CTNNA1: variants seen among roughly 807,000 people sequenced by gnomAD.
CTNNA1 encodes the protein catenin alpha 1.
CTNNA1 carries 37 observed loss-of-function variants against 98.4 expected under a neutral mutation model. The ratio of observed to expected loss-of-function variants is 0.38; its 90% CI spans 0.29 to 0.49. The LOEUF is 0.49. Ranked by LOEUF, CTNNA1 falls within the 20% of genes least tolerant of loss-of-function variation. The probability of loss-of-function intolerance (pLI) is 0.95; values close to 1 mark genes in which losing one functional copy is unlikely to be tolerated. For missense variants in CTNNA1, 761 were observed against 1,147.2 expected, an observed-to-expected ratio of 0.66 and a Z score of 4.86; for synonymous variants, 404 against 413.2, an observed-to-expected ratio of 0.98 and a Z score of 0.27.
At chr5:138,899,510 C>G (rs1388020795) in intron 9 of CTNNA1, among the ~76,000 whole-genome samples, 3 of 152,190 alleles carry the variant, frequency 2.0e-5, no homozygotes, top group Admixed American at 1.3e-4. Flanking sequence ...GAGAAATACC[C>G]TCTTTCCATG....
At chr5:138,846,759 TA>T (rs943214439) in intron 7 of CTNNA1, among the ~76,000 whole-genome samples, 41 of 152,028 alleles carry the variant, frequency 2.7e-4, no homozygotes, top group African/African-American at 8.0e-4. Context: ...TAAAAATAGT[TA>T]AAAAAAAACC....
intron 11 of CTNNA1, among the ~76,000 whole-genome samples, chr5:138,921,955 C>G (rs1475369766): frequency 6.6e-6 from 1 of 151,512 alleles, no homozygotes; most frequent in Non-Finnish European, 1.5e-5. Flanking sequence ...GTTTACATGG[C>G]AAGCCATCAG....
intron 7 of CTNNA1, among the ~76,000 whole-genome samples, chr5:138,829,345 G>A (rs1244462193): frequency 6.6e-6 from 1 of 152,206 alleles, no homozygotes; most frequent in Non-Finnish European, 1.5e-5. Context: ...AAAAACTCAT[G>A]GTAAGTGGAT....
At chr5:138,878,300 A>G (rs906833912) in intron 7 of CTNNA1, among the ~76,000 whole-genome samples, 1 of 152,204 alleles carries the variant, frequency 6.6e-6, no homozygotes, top group African/African-American at 2.4e-5. Flanking sequence ...TAAAATTGGT[A>G]GAGTGCAGAG....
At chr5:138,767,647 T>G (rs185258568) in intron 1 of CTNNA1, among the ~76,000 whole-genome samples, 13 of 152,332 alleles carry the variant, frequency 8.5e-5, no homozygotes, top group Admixed American at 5.2e-4. Context: ...TCTTCAAACC[T>G]ACAGAAAAGT....
chr5:138,905,566 G>T (rs1223866627), intron 10 of CTNNA1, among the ~76,000 whole-genome samples: 1 of 152,128 alleles, frequency 6.6e-6, no homozygotes, highest in Non-Finnish European at 1.5e-5. Context: ...ACTTAATTTG[G>T]CCAGCTTCTG....
intron 7 of CTNNA1, among the ~76,000 whole-genome samples, chr5:138,845,834 G>A (rs1762666739): frequency 6.6e-6 from 1 of 152,162 alleles, no homozygotes; most frequent in African/African-American, 2.4e-5. Flanking sequence ...TGATTGCCAT[G>A]TCCTGGGTAC....
intron 12 of CTNNA1, 77 bp downstream of exon 12, chr5:138,924,787 T>G: frequency 7.6e-7 from 1 of 1,307,800 alleles, no homozygotes; most frequent in Non-Finnish European, 1.1e-6. Context: ...AGCCCAGCCC[T>G]GTGGTGAGGA....
At chr5:138,850,863 C>G (rs912440791) in intron 7 of CTNNA1, among the ~76,000 whole-genome samples, 2 of 152,130 alleles carry the variant, frequency 1.3e-5, no homozygotes, top group Admixed American at 1.3e-4. Context: ...AAACAGAAAC[C>G]CTGTCTAATA....
At chr5:138,763,477 G>A (rs906335770) in intron 1 of CTNNA1, among the ~76,000 whole-genome samples, 2 of 152,064 alleles carry the variant, frequency 1.3e-5, no homozygotes, top group African/African-American at 4.8e-5. Flanking sequence ...TGAATAGCTG[G>A]GACCATAGGT....
At chr5:138,870,470 C>G (rs1199923676) in intron 7 of CTNNA1, 1 of 152,180 alleles carries the variant, frequency 6.6e-6, no homozygotes. Flanking sequence ...GTATGCCTCG[C>G]TAGCCTTGGC....
intron 9 of CTNNA1, among the ~76,000 whole-genome samples, chr5:138,897,012 A>T (rs1018351950): frequency 7.9e-5 from 12 of 152,084 alleles, no homozygotes; most frequent in Non-Finnish European, 1.6e-4. Flanking sequence ...GAATTGAGAG[A>T]GTGGCATAGG....
At chr5:138,889,946 C>T (rs758182041) in intron 9 of CTNNA1, among the ~76,000 whole-genome samples, 1 of 152,176 alleles carries the variant, frequency 6.6e-6, no homozygotes, top group Non-Finnish European at 1.5e-5. Flanking sequence ...GACAAGGCTT[C>T]TCCTCCCCTA....
rs1285880378 is a variant in CTNNA1 at position 138,917,809 on chromosome 5, T to A, written c.1457T>A (p.Leu486His). ...AAACTGGCCCAAGAGAACATGGATC[T>A]TTTTAAAGAACAATGGGAAAAACAA... The part of the protein sequence containing the change: ...QSKLAQENMD[L>H]FKEQWEKQVR... The change falls in exon 11 of 18, where the codon CTT (leucine) becomes CAT (histidine). Residue 486 changes from leucine to histidine, a missense_variant. Around this residue, in one of 6 missense-constraint regions of CTNNA1, gnomAD observed 287 missense variants for 436.0 expected, o/e 0.66. Coordinates refer to ENST00000302763, the MANE Select transcript of CTNNA1 (RefSeq NM_001903.5). 6.2e-7 allele frequency: 1 copy of A among 1,614,200 alleles called. No individual in the cohort carries two copies. The highest frequency in any genetic ancestry group is 8.5e-7 in the Non-Finnish European group (1 of 1,180,016).
intron 7 of CTNNA1, among the ~76,000 whole-genome samples, chr5:138,867,338 A>G (rs189204684): frequency 6.6e-6 from 1 of 152,114 alleles, no homozygotes; most frequent in Non-Finnish European, 1.5e-5. Context: ...TGGTCCTGCT[A>G]TGGGGCTGTG....
chr5:138,910,791 C>T (rs1231434631), intron 10 of CTNNA1, among the ~76,000 whole-genome samples: 1 of 152,100 alleles, frequency 6.6e-6, no homozygotes, highest in Non-Finnish European at 1.5e-5. Context: ...ACAGCAAGTG[C>T]AAAAGCTTGG....
At chr5:138,831,100 A>C (rs931579778) in intron 7 of CTNNA1, among the ~76,000 whole-genome samples, 6 of 152,244 alleles carry the variant, frequency 3.9e-5, no homozygotes, top group Non-Finnish European at 7.3e-5. Flanking sequence ...AAAGGCTCAC[A>C]TAATATTCAC....
chr5:138,854,192 G>T (rs76605666), intron 7 of CTNNA1, among the ~76,000 whole-genome samples: 2 of 152,090 alleles, frequency 1.3e-5, no homozygotes, highest in African/African-American at 4.8e-5. Flanking sequence ...GGATATCTGC[G>T]AATTATTTAT....
chr5:138,764,868 C>CTTTTTTTTTT (rs35354499), intron 1 of CTNNA1, among the ~76,000 whole-genome samples: 7 of 84,926 alleles, frequency 8.2e-5, no homozygotes, highest in East Asian at 4.1e-4. Context: ...GTATCTCTCT[C>CTTTTTTTTTT]TTTTTTTTTT....
Sources: gnomAD v4.1 joint callset for allele counts (sites outside exome capture counted in the v4.1 genomes callset) on GRCh38, gnomAD v4.1.1 for gene constraint, gnomAD v4.1.1 regional missense constraint, MANE v1.5 for transcripts, NCBI Gene and HGNC (gene_info 2026-07-23, HGNC 2026-07-21) for gene names.